Variants in ZRANB3 observed in about 807,000 individuals in gnomAD.
ZRANB3 encodes the protein DNA annealing helicase and endonuclease ZRANB3.
Under a neutral mutation model 133.8 loss-of-function variants are expected in ZRANB3, and 125 were observed. The observed-to-expected ratio is 0.93, with a 90% CI of 0.81 to 1.08. The LOEUF (loss-of-function observed/expected upper bound fraction) is 1.08. Ranked by LOEUF, ZRANB3 falls within the 50% of genes least tolerant of loss-of-function variation. The pLI, the probability that ZRANB3 is intolerant of heterozygous loss-of-function variation, is 0.00. For missense variants in ZRANB3, 1,229 were observed against 1,275.5 expected, an observed-to-expected ratio of 0.96 and a Z score of 0.56; for synonymous variants, 387 against 432.7, an observed-to-expected ratio of 0.89 and a Z score of 1.31.
intron 8 of ZRANB3, among the ~76,000 whole-genome samples, chr2:135,311,631 C>A (rs1682981437): frequency 6.6e-6 from 1 of 151,738 alleles, no homozygotes; most frequent in African/African-American, 2.4e-5. Context: ...ACACCTATAA[C>A]CCCAGCGCTT....
At chr2:135,216,344 A>G (rs916120401) in intron 17 of ZRANB3, among the ~76,000 whole-genome samples, 6 of 152,208 alleles carry the variant, frequency 3.9e-5, no homozygotes, top group African/African-American at 1.4e-4. Flanking sequence ...CTGATGAAAT[A>G]TAAGGATGAA....
At chr2:135,238,823 G>A (rs1573737374) in intron 12 of ZRANB3, 2 of 152,288 alleles carry the variant, frequency 1.3e-5, no homozygotes, top group Non-Finnish European at 2.9e-5. Flanking sequence ...AAATCCTGCG[G>A]TGTTCCAGTT....
intron 3 of ZRANB3, among the ~76,000 whole-genome samples, chr2:135,366,657 A>G (rs981974197): frequency 5.3e-5 from 8 of 151,382 alleles, no homozygotes; most frequent in Non-Finnish European, 1.2e-4. Flanking sequence ...GCAATAAAAG[A>G]AAAAAAAAGG....
At chr2:135,410,858 T>G (rs1169800373) in intron 2 of ZRANB3, among the ~76,000 whole-genome samples, 1 of 151,966 alleles carries the variant, frequency 6.6e-6, no homozygotes, top group South Asian at 2.1e-4. Flanking sequence ...CATGAAAAAA[T>G]GCTCAACATC....
chr2:135,433,576 G>A (rs1689407131), intron 2 of ZRANB3, among the ~76,000 whole-genome samples: 1 of 152,168 alleles, frequency 6.6e-6, no homozygotes, highest in South Asian at 2.1e-4. Context: ...TTTGGGCTGG[G>A]CGCAGTGGCT....
At chr2:135,391,008 G>T (rs910711177) in intron 2 of ZRANB3, among the ~76,000 whole-genome samples, 188 bp from the exon 3 acceptor site, 1 of 152,018 alleles carries the variant, frequency 6.6e-6, no homozygotes, top group East Asian at 1.9e-4. Flanking sequence ...CTACAGATGC[G>T]TGTCACCACG....
intron 8 of ZRANB3, among the ~76,000 whole-genome samples, chr2:135,294,311 G>A (rs1342403799): frequency 1.3e-5 from 2 of 152,026 alleles, no homozygotes; most frequent in Non-Finnish European, 2.9e-5. Context: ...ACTTCTTCCT[G>A]GTTTAGTCTT....
intron 17 of ZRANB3, among the ~76,000 whole-genome samples, chr2:135,213,341 A>C (rs1206837316): frequency 6.6e-6 from 1 of 152,218 alleles, no homozygotes; most frequent in Non-Finnish European, 1.5e-5. Flanking sequence ...TTGATAGGAC[A>C]GTGTCTAACT....
At chr2:135,441,398 A>G (rs1559001334) in intron 2 of ZRANB3, among the ~76,000 whole-genome samples, 4 of 152,180 alleles carry the variant, frequency 2.6e-5, no homozygotes, top group Admixed American at 1.3e-4. Flanking sequence ...TCAAAACTGA[A>G]GGTGAAACAA....
intron 2 of ZRANB3, among the ~76,000 whole-genome samples, chr2:135,458,020 C>G (rs72986434): frequency 0.077 from 11,720 of 152,108 alleles, 1,492 homozygotes; most frequent in African/African-American, 0.27. Flanking sequence ...CTTAGGTTTT[C>G]TTTCAAGTTC....
intron 3 of ZRANB3, among the ~76,000 whole-genome samples, chr2:135,373,123 CT>C (rs1162997902): frequency 6.6e-6 from 1 of 150,548 alleles, no homozygotes; most frequent in African/African-American, 2.4e-5. Context: ...GTGATGAGAT[CT>C]TTTCTTTTTT....
intron 2 of ZRANB3, among the ~76,000 whole-genome samples, chr2:135,468,294 T>C (rs1691090508): frequency 6.6e-6 from 1 of 152,216 alleles, no homozygotes; most frequent in Non-Finnish European, 1.5e-5. Flanking sequence ...TCCTTTTACC[T>C]GAAATGACCT....
chr2:135,355,324 T>C, intron 3 of ZRANB3: 1 of 935,458 alleles, frequency 1.1e-6, no homozygotes, highest in Non-Finnish European at 1.3e-6. Flanking sequence ...GGGAACAACT[T>C]GGTTCCAATA....
chr2:135,254,821 G>A (rs569217508), intron 12 of ZRANB3, among the ~76,000 whole-genome samples: 1 of 151,752 alleles, frequency 6.6e-6, no homozygotes, highest in Non-Finnish European at 1.5e-5. Flanking sequence ...CGCGATCTCA[G>A]CTCACTGCAA....
chr2:135,213,894 C>T (rs1006735058), intron 17 of ZRANB3, among the ~76,000 whole-genome samples: 5 of 152,068 alleles, frequency 3.3e-5, no homozygotes, highest in African/African-American at 9.7e-5. Flanking sequence ...AAGCAGAAGA[C>T]GAAGGCAGAG....
At position 135,350,149 on chromosome 2, in the gene ZRANB3, C is replaced by T. The variant is rs749630447; in HGVS notation, c.426G>A (p.Leu142=). 7 of 1,612,862 alleles carry T rather than the reference C, an allele frequency of 4.3e-6. No individual in the cohort carries two copies. Among genetic ancestry groups the T allele is most frequent in the South Asian group, 1.1e-5 (1 of 90,928 alleles). ...AGTTCTGATTATTCAGTGCATCTAT[C>T]AAAGTCTTTGCATCTGCGGTTAAGA... ...YGLLTADAKT[L]IDALNNQNFK... The change falls in exon 5 of 21, where the codon TTG becomes TTA. Residue 142 remains leucine (L), a synonymous_variant. Transcript: ENST00000264159.
chr2:135,238,989 G>A (rs1695432875), intron 12 of ZRANB3: 1 of 152,090 alleles, frequency 6.6e-6, no homozygotes, highest in South Asian at 2.1e-4. Flanking sequence ...GTTGTACCCT[G>A]GTTGAATACT....
chr2:135,211,637 C>T (rs1694099681), intron 17 of ZRANB3, among the ~76,000 whole-genome samples: 1 of 152,138 alleles, frequency 6.6e-6, no homozygotes, highest in South Asian at 2.1e-4. Context: ...AGCATATACA[C>T]TAATCTTCAC....
intron 8 of ZRANB3, among the ~76,000 whole-genome samples, chr2:135,310,221 G>T (rs1573884773): frequency 6.6e-6 from 1 of 152,178 alleles, no homozygotes; most frequent in Non-Finnish European, 1.5e-5. Flanking sequence ...ACAGGCATGA[G>T]CCACCGTGCC....
Sources: allele counts gnomAD v4.1 joint callset (sites outside exome capture counted in the v4.1 genomes callset), GRCh38; gene constraint gnomAD v4.1.1; transcripts MANE v1.5; gene names NCBI Gene and HGNC (gene_info 2026-07-23, HGNC 2026-07-21).